Variants in ATP1A3 observed in about 807,000 individuals in gnomAD.
The protein encoded by ATP1A3 is ATPase Na+/K+ transporting subunit alpha 3.
ATP1A3 carries 12 observed loss-of-function variants against 108.8 expected under a neutral mutation model. The ratio of observed to expected loss-of-function variants is 0.11; its 90% CI spans 0.07 to 0.18. The LOEUF (loss-of-function observed/expected upper bound fraction) is 0.18, where lower values mean the gene tolerates loss of function less well. Among genes scored for constraint, ATP1A3 ranks in the 10% least tolerant of loss-of-function variants. The pLI, the probability that ATP1A3 is intolerant of heterozygous loss-of-function variation, is 1.00. For synonymous variants in ATP1A3, 539 were observed against 564.5 expected (o/e 0.95, Z 0.64); for missense variants, 498 against 1,387.7 (o/e 0.36, Z 10.19).
At chr19:41,982,361 C>T (rs1017864347) in intron 8 of ATP1A3, among the ~76,000 whole-genome samples, 10 of 152,174 alleles carry the variant, frequency 6.6e-5, no homozygotes, top group Non-Finnish European at 1.0e-4. Context: ...TGCAGTGGCT[C>T]ACGCCTGTAA....
At chr19:41,984,138 C>G (rs2075263328) in intron 8 of ATP1A3, 1 of 152,102 alleles carries the variant, frequency 6.6e-6, no homozygotes, top group Non-Finnish European at 1.5e-5. Flanking sequence ...AACTCCTGAC[C>G]TCAAGCAGTC....
intron 8 of ATP1A3, 133 bp from the exon 9 acceptor site, chr19:41,982,239 AC>A: frequency 6.9e-7 from 1 of 1,457,610 alleles, no homozygotes; most frequent in African/African-American, 1.4e-5. Flanking sequence ...ATGAGGCAGC[AC>A]CCAGCAATGC....
At position 41,968,924 on chromosome 19, in the gene ATP1A3, G is replaced by A. The variant is rs1242645839; in HGVS notation, c.2689-9C>T. 1 of 1,613,718 alleles carries A rather than the reference G, an allele frequency of 6.2e-7. No individual in the cohort carries two copies. The highest frequency in any genetic ancestry group is 2.2e-5 in the East Asian group (1 of 44,868). On this transcript the variant is annotated splice_polypyrimidine_tract_variant and intron_variant, in intron 19 of 22. Coordinates refer to ENST00000648268, the MANE Select transcript of ATP1A3 (RefSeq NM_152296.5). The surrounding 1 kb of genome is among the most constrained non-coding windows in gnomAD (Gnocchi z 5.0). ...TTCCTCTGCTCGTATGTCTGCAGGA[G>A]CGGTGACCAGGGCACGGGACGTCAG...
chr19:41,990,047 G>A (rs951778207), intron 1 of ATP1A3, among the ~76,000 whole-genome samples: 4 of 151,982 alleles, frequency 2.6e-5, no homozygotes, highest in South Asian at 4.2e-4. Context: ...CTGAGTTGGC[G>A]TCTCAAGGAT....
At chr19:41,980,012 C>T (rs868922978) in intron 11 of ATP1A3, among the ~76,000 whole-genome samples, 11 of 152,314 alleles carry the variant, frequency 7.2e-5, no homozygotes, top group Middle Eastern at 6.8e-3. Context: ...ACCCCCACCA[C>T]GCTCCCTGGC....
At chr19:41,993,440 C>A in intron 1 of ATP1A3, 4 of 1,535,298 alleles carry the variant, frequency 2.6e-6, no homozygotes, top group Non-Finnish European at 3.5e-6. Context: ...ATGCCTGCTC[C>A]CCTACATGAG....
intron 16 of ATP1A3, among the ~76,000 whole-genome samples, chr19:41,975,272 C>T (rs1020781771): frequency 9.2e-5 from 14 of 152,278 alleles, no homozygotes; most frequent in African/African-American, 3.1e-4. Flanking sequence ...AGGATGGTCT[C>T]GATCTTCTGA....
intron 1 of ATP1A3, 188 bp downstream of exon 1, chr19:41,993,883 C>T: frequency 1.8e-6 from 2 of 1,106,566 alleles, no homozygotes; most frequent in Non-Finnish European, 1.3e-6. Flanking sequence ...CCAACGTGCG[C>T]CACAGACCCC....
chr19:41,985,399 C>G lies in ATP1A3; in HGVS notation c.631G>C (p.Glu211Gln). 1 of 1,613,994 alleles carries G rather than the reference C, an allele frequency of 6.2e-7. No individual in the cohort carries two copies. Among genetic ancestry groups the G allele is most frequent in the Non-Finnish European group, 8.5e-7 (1 of 1,179,920 alleles). Residue 211 changes from glutamate to glutamine, a missense_variant, in exon 7 of 23, where the codon GAA becomes CAA. Physicochemically the swap from Glu to Gln is conservative, Grantham distance 29 (BLOSUM62 2). This residue lies in a region of ATP1A3 where 127 missense variants were observed against 464.0 expected (regional missense o/e 0.27). Transcript: ENST00000648268. This position sits in a 1 kb window ranked among gnomAD's most constrained non-coding sequence, Gnocchi z 8.2. ...GGAGAGCGAGTCTGGGGCTCGGATT[C>G]GCCAGTCAGGGAGGAGTTGTCCACC... ...CKVDNSSLTG[E>Q]SEPQTRSPDC...
intron 14 of ATP1A3, among the ~76,000 whole-genome samples, chr19:41,977,488 C>A (rs2145963357): frequency 6.7e-6 from 1 of 149,794 alleles, no homozygotes; most frequent in East Asian, 2.0e-4. Context: ...GAGTTCGAGA[C>A]CAGCCTGGCC....
In ATP1A3 at chr19:41,976,783, TTTATTTATTTATTTATTTA is replaced by T. The variant is rs527643426; in HGVS notation, c.1944-236_1944-218del. 2.6e-5 allele frequency among the ~76,000 whole-genome samples: 4 copies of T among 151,760 alleles called. No individual in the cohort carries two copies. The South Asian group carries it at 8.3e-4, about 32-fold the overall frequency. ...TGAGGAAGGACTTTGGGGCAGTGGA[TTTATTTATTTATTTATTTA>T]TTATTTATTTATTTATTTTTGAGAT... On this transcript the variant is annotated intron_variant, in intron 14 of 22. Transcript: ENST00000648268.
chr19:41,993,134 T>TC (rs2075355932), intron 1 of ATP1A3: 1 of 259,898 alleles, frequency 3.8e-6, no homozygotes, highest in Non-Finnish European at 7.7e-6. Flanking sequence ...TCTCCCGCCC[T>TC]CTTCATCCCA....
At chr19:41,990,441 G>C (rs1599728074) in intron 1 of ATP1A3, among the ~76,000 whole-genome samples, 1 of 92,714 alleles carries the variant, frequency 1.1e-5, no homozygotes. Context: ...CCCTCTCTCT[G>C]TCTCTCTCAA....
intron 16 of ATP1A3, among the ~76,000 whole-genome samples, chr19:41,974,491 T>TAAC (rs2075145459): frequency 6.6e-6 from 1 of 152,140 alleles, no homozygotes; most frequent in South Asian, 2.1e-4. Flanking sequence ...AAGAAGGTGT[T>TAAC]AACCATGGTT....
chr19:41,989,446 G>A lies in ATP1A3; in HGVS notation c.7-884C>T, dbSNP rs1420427018. ...CCATTCTCCTGCCTCAGCCTCCCGA[G>A]TAGCTGGGACTACAGGCGCCCGCCA... On this transcript the variant is annotated intron_variant, in intron 1 of 22. Coordinates refer to ENST00000648268, the MANE Select transcript of ATP1A3 (RefSeq NM_152296.5). 3.3e-5 allele frequency among the ~76,000 whole-genome samples: 5 copies of A among 151,224 alleles called. No homozygotes were observed. In the South Asian group the frequency reaches 1.0e-3, roughly 32 times the overall value.
At chr19:41,983,387 A>G (rs781856717) in intron 8 of ATP1A3, among the ~76,000 whole-genome samples, 28 of 151,782 alleles carry the variant, frequency 1.8e-4, no homozygotes, top group Non-Finnish European at 1.5e-5. Flanking sequence ...CCTAATATGG[A>G]AAACTTCACA....
intron 1 of ATP1A3, among the ~76,000 whole-genome samples, chr19:41,992,047 G>A (rs1239591179): frequency 2.1e-5 from 3 of 145,008 alleles, no homozygotes; most frequent in Non-Finnish European, 3.0e-5. Flanking sequence ...GAGGGAGGAG[G>A]GGCTGGGGCC....
At chr19:41,982,680 AG>A (rs1555863970) in intron 8 of ATP1A3, among the ~76,000 whole-genome samples, 1 of 152,216 alleles carries the variant, frequency 6.6e-6, no homozygotes, top group African/African-American at 2.4e-5. Context: ...CACTAACAGC[AG>A]AAAAGATAAA....
chr19:41,978,860 C>T lies in ATP1A3; in HGVS notation c.1438-62G>A. 1 of 1,571,652 alleles carries T rather than the reference C, an allele frequency of 6.4e-7. No individual in the cohort carries two copies. Among genetic ancestry groups the T allele is most frequent in the Non-Finnish European group, 8.7e-7 (1 of 1,146,856 alleles). On this transcript the variant is annotated intron_variant, in intron 11 of 22. Coordinates refer to ENST00000648268, the MANE Select transcript of ATP1A3 (RefSeq NM_152296.5). This position sits in a 1 kb window ranked among gnomAD's most constrained non-coding sequence, Gnocchi z 8.3. ...GCAGACACCAGGAAGCTCCCTGCCC[C>T]ATCCTGTCCCCTGTCCAGAGCCACG... is the stretch of plus-strand genomic sequence containing the variant.
Sources: allele counts gnomAD v4.1 joint callset (sites outside exome capture counted in the v4.1 genomes callset), GRCh38; gene constraint gnomAD v4.1.1; regional missense constraint gnomAD v4.1.1; non-coding constraint Gnocchi (gnomAD v3.1); transcripts MANE v1.5; gene names NCBI Gene and HGNC (gene_info 2026-07-23, HGNC 2026-07-21).